The following BMERB1 variants were observed in gnomAD, a reference collection of about 807,000 sequenced individuals.
BMERB1 encodes bMERB domain-containing protein 1.
A neutral mutation model predicts 23.6 loss-of-function variants in BMERB1; 12 were observed. That is an observed-to-expected ratio of 0.51 (90% CI 0.33 to 0.82). The LOEUF is 0.82. Ranked by LOEUF, BMERB1 falls within the 40% of genes least tolerant of loss-of-function variation. BMERB1 has a pLI of 0.03. For synonymous variants in BMERB1, 122 were observed against 96.6 expected, an observed-to-expected ratio of 1.26 and a Z score of -1.54; for missense variants, 247 against 255.4, an observed-to-expected ratio of 0.97 and a Z score of 0.22.
chr16:15,538,703 GC>G (rs1212200033), intron 2 of BMERB1, among the ~76,000 whole-genome samples: 2 of 152,164 alleles, frequency 1.3e-5, no homozygotes, highest in African/African-American at 4.8e-5. Flanking sequence ...ATCATTAACC[GC>G]CTGGAGGAGT....
intron 1 of BMERB1, among the ~76,000 whole-genome samples, chr16:15,489,317 T>G (rs2051396548): frequency 6.6e-6 from 1 of 152,178 alleles, no homozygotes; most frequent in Non-Finnish European, 1.5e-5. Context: ...GACATCACAC[T>G]GTGACATTTA....
intron 2 of BMERB1, among the ~76,000 whole-genome samples, chr16:15,535,761 C>T (rs904275470): frequency 3.3e-5 from 5 of 151,298 alleles, no homozygotes; most frequent in Non-Finnish European, 7.4e-5. Flanking sequence ...AAAAAAAATA[C>T]CAAAGATTGA....
chr16:15,537,681 C>T (rs1294472388), intron 2 of BMERB1, among the ~76,000 whole-genome samples: 2 of 151,342 alleles, frequency 1.3e-5, no homozygotes, highest in East Asian at 1.9e-4. Context: ...TTTTAAGAGA[C>T]GGGCTTTCAC....
intron 1 of BMERB1, among the ~76,000 whole-genome samples, chr16:15,481,607 G>C (rs529032625): frequency 4.6e-5 from 7 of 151,940 alleles, no homozygotes; most frequent in Non-Finnish European, 8.8e-5. Context: ...GATTGGAAGA[G>C]AGATGTCAAG....
intron 2 of BMERB1, among the ~76,000 whole-genome samples, chr16:15,553,496 AGT>A (rs1226134216): frequency 6.6e-6 from 1 of 152,224 alleles, no homozygotes; most frequent in African/African-American, 2.4e-5. Context: ...GGCTCTACAG[AGT>A]GTACAGTCTC....
intron 5 of BMERB1, among the ~76,000 whole-genome samples, chr16:15,585,043 C>T (rs2031107623): frequency 6.6e-6 from 1 of 152,172 alleles, no homozygotes; most frequent in Non-Finnish European, 1.5e-5. Context: ...CAAAAGCTGC[C>T]ACTGTCTATA....
intron 2 of BMERB1, among the ~76,000 whole-genome samples, chr16:15,523,343 T>A (rs2051874873): frequency 6.6e-6 from 1 of 152,130 alleles, no homozygotes; most frequent in South Asian, 2.1e-4. Flanking sequence ...GATGGGGGCA[T>A]GGCAGGCCAG....
At chr16:15,533,499 ATCC>A (rs2051990529) in intron 2 of BMERB1, among the ~76,000 whole-genome samples, 1 of 151,866 alleles carries the variant, frequency 6.6e-6, no homozygotes, top group African/African-American at 2.4e-5. Context: ...GGTTCAAACA[ATCC>A]TCCTGCGTCA....
At chr16:15,507,485 G>T (rs1360122596) in intron 1 of BMERB1, among the ~76,000 whole-genome samples, 2 of 152,178 alleles carry the variant, frequency 1.3e-5, no homozygotes, top group African/African-American at 4.8e-5. Context: ...AGCAGTGGCA[G>T]TTGGAGCCCT....
chr16:15,581,426 T>A, intron 4 of BMERB1, 95 bp downstream of exon 4: 7 of 998,358 alleles, frequency 7.0e-6, no homozygotes, highest in Non-Finnish European at 1.0e-5. Flanking sequence ...ACTCACAGCC[T>A]TGCCTAACAG....
At chr16:15,554,155 C>G (rs1051289335) in intron 2 of BMERB1, among the ~76,000 whole-genome samples, 2 of 152,140 alleles carry the variant, frequency 1.3e-5, no homozygotes, top group Non-Finnish European at 2.9e-5. Context: ...ATTTGAGCAG[C>G]CTTCTCCCAG....
chr16:15,504,948 C>T (rs1362970885), intron 1 of BMERB1, among the ~76,000 whole-genome samples: 3 of 152,022 alleles, frequency 2.0e-5, no homozygotes, highest in Admixed American at 6.6e-5. Flanking sequence ...AGCACCCCCA[C>T]CCCCAGCCCT....
intron 1 of BMERB1, among the ~76,000 whole-genome samples, chr16:15,455,665 T>C (rs1275479173): frequency 6.6e-6 from 1 of 152,068 alleles, no homozygotes; most frequent in African/African-American, 2.4e-5. Context: ...TTTCTCCATG[T>C]TGGTCAGGCT....
At chr16:15,447,618 G>T (rs1446742231) in intron 1 of BMERB1, among the ~76,000 whole-genome samples, 1 of 152,182 alleles carries the variant, frequency 6.6e-6, no homozygotes, top group African/African-American at 2.4e-5. Flanking sequence ...TAATAGAAGA[G>T]GATGTGAAGT....
intron 1 of BMERB1, among the ~76,000 whole-genome samples, chr16:15,473,016 T>C (rs2051243401): frequency 6.6e-6 from 1 of 152,020 alleles, no homozygotes; most frequent in South Asian, 2.1e-4. Context: ...TGCGTCACTA[T>C]GCCTAGCTAA....
rs977793194 is a variant in BMERB1, at chr16:15,478,531, T to G, written c.107-36774T>G. Among the ~76,000 whole-genome samples, 123 of 152,220 alleles carry G rather than the reference T, an allele frequency of 8.1e-4. 1 individual carries two copies. Among genetic ancestry groups the G allele is most frequent in the Non-Finnish European group, 2.8e-4 (19 of 68,044 alleles). On this transcript the variant is annotated intron_variant, in intron 1 of 5. Transcript: ENST00000300006. ...ATTTAGTCTAATTGGAATTTATTTT[T>G]GGGTGTGACAGTGATTTTCAAAGCA...
At chr16:15,441,529 C>A (rs2050939016) in intron 1 of BMERB1, among the ~76,000 whole-genome samples, 1 of 152,142 alleles carries the variant, frequency 6.6e-6, no homozygotes, top group Non-Finnish European at 1.5e-5. Context: ...AGGTGCCCAC[C>A]ACCATGCCTG....
At chr16:15,567,854 ACAATGAG>A in intron 2 of BMERB1, 122 bp from the exon 3 acceptor site, 2 of 737,064 alleles carry the variant, frequency 2.7e-6, no homozygotes, top group Non-Finnish European at 4.4e-6. Context: ...GAAAACCTCT[ACAATGAG>A]CATGTATGGC....
intron 1 of BMERB1, chr16:15,448,004 C>G (rs539060764): frequency 1.6e-5 from 7 of 437,268 alleles, no homozygotes; most frequent in Non-Finnish European, 3.2e-5. Context: ...ATTGTCCTGC[C>G]TCAGCCTCCT....
Sources: allele counts gnomAD v4.1 joint callset (sites outside exome capture counted in the v4.1 genomes callset), GRCh38; gene constraint gnomAD v4.1.1; transcripts MANE v1.5; gene names NCBI Gene and HGNC (gene_info 2026-07-23, HGNC 2026-07-21).